Variants in SNTG1 observed in about 807,000 individuals in gnomAD.
SNTG1 encodes syntrophin gamma 1.
A neutral mutation model predicts 74.7 loss-of-function variants in SNTG1; 39 were observed. The ratio of observed to expected loss-of-function variants is 0.52; its 90% CI spans 0.40 to 0.68. The LOEUF is 0.68. Ranked by LOEUF, SNTG1 falls within the 30% of genes least tolerant of loss-of-function variation. SNTG1 has a pLI of 0.00. For missense variants in SNTG1, 685 were observed against 609.5 expected (o/e 1.12, Z -1.30); for synonymous variants, 254 against 217.1 (o/e 1.17, Z -1.49).
chr8:50,603,716 G>T (rs1290553224), intron 13 of SNTG1, among the ~76,000 whole-genome samples: 1 of 152,084 alleles, frequency 6.6e-6, no homozygotes, highest in Non-Finnish European at 1.5e-5. Flanking sequence ...AGTGATTCTT[G>T]CAGACTCATA....
intron 12 of SNTG1, among the ~76,000 whole-genome samples, chr8:50,564,441 A>G (rs1190034818): frequency 6.6e-6 from 1 of 152,096 alleles, no homozygotes. Context: ...CATGGTGGCA[A>G]TAGTAAATAA....
chr8:50,228,381 A>G (rs1334385464), intron 2 of SNTG1, among the ~76,000 whole-genome samples: 2 of 151,948 alleles, frequency 1.3e-5, no homozygotes, highest in Non-Finnish European at 2.9e-5. Flanking sequence ...TATGATAGCT[A>G]AGAACTTTCC....
chr8:50,488,221 G>T (rs565874621), intron 8 of SNTG1, among the ~76,000 whole-genome samples: 3 of 151,870 alleles, frequency 2.0e-5, no homozygotes, highest in African/African-American at 4.8e-5. Context: ...AGTAAAATAG[G>T]TTTTTTTTAA....
intron 1 of SNTG1, among the ~76,000 whole-genome samples, chr8:50,083,883 T>C (rs1327596829): frequency 6.6e-6 from 1 of 152,200 alleles, no homozygotes; most frequent in Non-Finnish European, 1.5e-5. Flanking sequence ...TTCAAAATTA[T>C]GAATCTTCAG....
chr8:50,704,832 A>T (rs2095438236), intron 16 of SNTG1, 80 bp downstream of exon 16: 1 of 1,489,426 alleles, frequency 6.7e-7, no homozygotes, highest in Admixed American at 2.0e-5. Flanking sequence ...ATCATTCCAA[A>T]GTAGTGTAAA....
intron 9 of SNTG1, among the ~76,000 whole-genome samples, chr8:50,521,848 C>G (rs752633599): frequency 6.6e-6 from 1 of 152,082 alleles, no homozygotes; most frequent in Non-Finnish European, 1.5e-5. Context: ...AGCTCTACTT[C>G]TGATTGTAAT....
chr8:50,782,377 C>T (rs1444825998), intron 18 of SNTG1, among the ~76,000 whole-genome samples: 2 of 152,158 alleles, frequency 1.3e-5, no homozygotes, highest in South Asian at 2.1e-4. Flanking sequence ...CACATAGTCC[C>T]ACACTTCTTG....
At chr8:50,780,284 G>A (rs1434116182) in intron 18 of SNTG1, among the ~76,000 whole-genome samples, 3 of 152,198 alleles carry the variant, frequency 2.0e-5, no homozygotes, top group African/African-American at 4.8e-5. Flanking sequence ...AATGGTACCA[G>A]TTCCTCCTTG....
chr8:50,064,752 G>A (rs1017964384), intron 1 of SNTG1, among the ~76,000 whole-genome samples: 15 of 152,058 alleles, frequency 9.9e-5, no homozygotes, highest in Non-Finnish European at 1.8e-4. Flanking sequence ...CTGACCGGAC[G>A]TTTACCTCCT....
intron 1 of SNTG1, among the ~76,000 whole-genome samples, chr8:49,984,736 A>G (rs1410373347): frequency 1.3e-5 from 2 of 152,218 alleles, no homozygotes; most frequent in African/African-American, 4.8e-5. Flanking sequence ...TAGTAGGAAG[A>G]GAATCAGCAT....
At chr8:50,176,490 C>G (rs1334065876) in intron 2 of SNTG1, among the ~76,000 whole-genome samples, 3 of 152,180 alleles carry the variant, frequency 2.0e-5, no homozygotes, top group Admixed American at 6.5e-5. Context: ...GCCTATTTCT[C>G]TTGTTTCCTG....
chr8:50,109,550 T>A (rs2131293920), intron 1 of SNTG1, among the ~76,000 whole-genome samples: 1 of 152,322 alleles, frequency 6.6e-6, no homozygotes. Context: ...AATGTTCATA[T>A]GATATTAGTT....
At chr8:50,564,004 T>C (rs2094502065) in intron 12 of SNTG1, among the ~76,000 whole-genome samples, 1 of 152,208 alleles carries the variant, frequency 6.6e-6, no homozygotes, top group East Asian at 1.9e-4. Flanking sequence ...CCATTTGTAC[T>C]AGTTCTGATT....
chr8:50,373,313 T>C (rs2092309766), intron 2 of SNTG1, among the ~76,000 whole-genome samples: 1 of 152,242 alleles, frequency 6.6e-6, no homozygotes, highest in South Asian at 2.1e-4. Flanking sequence ...AATTTAATGT[T>C]ATGAGCTCAA....
chr8:50,270,405 C>G (rs1251833092), intron 2 of SNTG1, among the ~76,000 whole-genome samples: 2 of 152,136 alleles, frequency 1.3e-5, no homozygotes, highest in Non-Finnish European at 2.9e-5. Flanking sequence ...GGATAGTTCT[C>G]TAACAAAATT....
At chr8:50,759,113 G>GA (rs980797544) in intron 18 of SNTG1, among the ~76,000 whole-genome samples, 1 of 151,944 alleles carries the variant, frequency 6.6e-6, no homozygotes, top group African/African-American at 2.4e-5. Flanking sequence ...GTCTTTTTTT[G>GA]AAAATTGTCT....
At chr8:50,754,055 A>G (rs17785479) in intron 18 of SNTG1, among the ~76,000 whole-genome samples, 2,290 of 152,068 alleles carry the variant, frequency 0.015, 30 homozygotes, top group Admixed American at 0.032. Context: ...ATTGTGTAAG[A>G]ACTGGAAGCA....
Position 50,323,773 on chromosome 8 carries a change from C to G in SNTG1, c.-27-70439C>G, listed in dbSNP as rs117809428. On this transcript the variant is annotated intron_variant, in intron 2 of 18. Coordinates refer to ENST00000642720, the MANE Select transcript of SNTG1 (RefSeq NM_018967.5). Reference sequence around the variant, plus strand: ...GCACAGTACTTAGCCTTACCCAAAGCCCTTATCTTCAGGGTGGCAAGATCC... The same window carrying G: ...GCACAGTACTTAGCCTTACCCAAAGGCCTTATCTTCAGGGTGGCAAGATCC... 3.5e-4 allele frequency among the ~76,000 whole-genome samples: 53 copies of G among 152,266 alleles called. No individual in the cohort carries two copies. The East Asian group carries it at 9.3e-3, about 27-fold the overall frequency.
At chr8:50,538,304 C>A (rs771736014) in intron 11 of SNTG1, among the ~76,000 whole-genome samples, 2 of 152,046 alleles carry the variant, frequency 1.3e-5, no homozygotes, top group African/African-American at 4.8e-5. Flanking sequence ...TTTAAAAACT[C>A]GTGGAAAGGA....
Sources: gnomAD v4.1 joint callset for allele counts (sites outside exome capture counted in the v4.1 genomes callset) on GRCh38, gnomAD v4.1.1 for gene constraint, MANE v1.5 for transcripts, NCBI Gene and HGNC (gene_info 2026-07-23, HGNC 2026-07-21) for gene names.